The following TRIP4 variants were observed in gnomAD, a reference collection of about 807,000 sequenced individuals.
The protein encoded by TRIP4 is activating signal cointegrator 1.
In TRIP4, 54 loss-of-function variants were observed where a neutral mutation model predicts 81.8. The observed-to-expected ratio is 0.66, with a 90% CI of 0.53 to 0.83. The LOEUF (loss-of-function observed/expected upper bound fraction) is 0.83, where lower values mean the gene tolerates loss of function less well. Ranked by LOEUF, TRIP4 falls within the 40% of genes least tolerant of loss-of-function variation. The pLI, the probability that TRIP4 is intolerant of heterozygous loss-of-function variation, is 0.00. For synonymous variants in TRIP4, 270 were observed against 242.8 expected, an observed-to-expected ratio of 1.11 and a Z score of -1.04; for missense variants, 662 against 683.6, an observed-to-expected ratio of 0.97 and a Z score of 0.35.
At chr15:64,394,259 G>C in intron 2 of TRIP4, 144 bp downstream of exon 2, 1 of 677,112 alleles carries the variant, frequency 1.5e-6, no homozygotes, top group Non-Finnish European at 2.3e-6. Context: ...TTTTTAGTTC[G>C]GTTCTACTCA....
chr15:64,452,304 C>G (rs977110528), intron 12 of TRIP4, among the ~76,000 whole-genome samples: 2 of 152,136 alleles, frequency 1.3e-5, no homozygotes, highest in African/African-American at 4.8e-5. Flanking sequence ...ATCTGAAATG[C>G]AAAATCTAAA....
intron 11 of TRIP4, among the ~76,000 whole-genome samples, chr15:64,428,084 G>A (rs1049575102): frequency 6.6e-6 from 1 of 152,082 alleles, no homozygotes; most frequent in African/African-American, 2.4e-5. Context: ...TTCTTCCTGG[G>A]ATATGTATTT....
chr15:64,409,964 G>C (rs1238070419), intron 7 of TRIP4, 136 bp downstream of exon 7: 4 of 742,644 alleles, frequency 5.4e-6, no homozygotes, highest in African/African-American at 3.6e-5. Flanking sequence ...GTTAAGAATA[G>C]CTAAGAAAAA....
In TRIP4 at chr15:64,438,065, T is replaced by C. The variant is rs545948901; in HGVS notation, c.1576-6941T>C. Among the ~76,000 whole-genome samples, 3 of 152,344 alleles carry C rather than the reference T, an allele frequency of 2.0e-5. No homozygotes were observed. The East Asian group carries it at 5.8e-4, about 29-fold the overall frequency. On this transcript the variant is annotated intron_variant, in intron 11 of 12. Transcript: ENST00000261884. ...GGTTTCTTTTTTGTTCTAAAAGATA[T>C]GTTATTTGATAAAGGAGTATTGTTG...
chr15:64,390,790 G>T (rs933164717), intron 1 of TRIP4, among the ~76,000 whole-genome samples: 6 of 151,750 alleles, frequency 4.0e-5, no homozygotes, highest in South Asian at 2.1e-4. Flanking sequence ...AGCTACTCGG[G>T]AGGCTGAGGC....
intron 11 of TRIP4, among the ~76,000 whole-genome samples, chr15:64,426,124 A>G (rs1029674351): frequency 2.6e-5 from 4 of 151,994 alleles, no homozygotes; most frequent in African/African-American, 9.7e-5. Context: ...GCTAGCAAGT[A>G]TATAGGGTCT....
At chr15:64,388,294 T>C (rs1044607200) in intron 1 of TRIP4, among the ~76,000 whole-genome samples, 18 of 152,066 alleles carry the variant, frequency 1.2e-4, no homozygotes, top group African/African-American at 4.3e-4. Context: ...AACCCCTTAC[T>C]CTTTTATTTA....
intron 3 of TRIP4, among the ~76,000 whole-genome samples, chr15:64,396,740 G>A (rs187088102): frequency 2.6e-5 from 4 of 152,204 alleles, no homozygotes; most frequent in Admixed American, 2.0e-4. Flanking sequence ...GAACATTCTT[G>A]TATGTATTTT....
At chr15:64,389,949 G>T (rs1229001370) in intron 1 of TRIP4, among the ~76,000 whole-genome samples, 1 of 149,608 alleles carries the variant, frequency 6.7e-6, no homozygotes, top group Admixed American at 6.7e-5. Flanking sequence ...TGATCCAACC[G>T]CCTCAGCCTC....
intron 12 of TRIP4, among the ~76,000 whole-genome samples, chr15:64,451,465 C>CT (rs145401592): frequency 2.1e-3 from 135 of 64,648 alleles, no homozygotes; most frequent in African/African-American, 6.7e-3. Flanking sequence ...CAAATCTGAT[C>CT]TTTTTTTTTT....
chr15:64,448,498 C>T (rs1457773304), intron 12 of TRIP4, among the ~76,000 whole-genome samples: 1 of 152,176 alleles, frequency 6.6e-6, no homozygotes, highest in African/African-American at 2.4e-5. Context: ...GGGTCTCACT[C>T]TGTTATCCAG....
chr15:64,394,835 C>G (rs576246145), intron 2 of TRIP4, among the ~76,000 whole-genome samples: 1 of 152,096 alleles, frequency 6.6e-6, no homozygotes, highest in African/African-American at 2.4e-5. Context: ...ATTATGCAAT[C>G]TACAATATCA....
chr15:64,414,102 A>C lies in TRIP4; in HGVS notation c.1061A>C (p.Gln354Pro). 1 of 1,614,150 alleles carries C rather than the reference A, an allele frequency of 6.2e-7. No homozygotes were observed. Among genetic ancestry groups the C allele is most frequent in the Non-Finnish European group, 8.5e-7 (1 of 1,180,000 alleles). ...EYHSRLDETI[Q>P]AIANGTLNQP... The stretch of plus-strand genomic sequence containing the variant: ...TATCACAGACTAGATGAGACAATAC[A>C]GGCCATTGCCAATGGAACCTTGAAC... The change falls in exon 8 of 13, where the codon CAG becomes CCG. Residue 354 changes from glutamine (Q) to proline (P), a missense_variant. Gln to Pro is a moderately conservative substitution (Grantham distance 76). Coordinates refer to ENST00000261884, the MANE Select transcript of TRIP4 (RefSeq NM_016213.5).
intron 8 of TRIP4, among the ~76,000 whole-genome samples, chr15:64,416,029 TA>T (rs1337990661): frequency 1.3e-5 from 2 of 152,068 alleles, no homozygotes; most frequent in African/African-American, 2.4e-5. Context: ...AAATTAGTAT[TA>T]AAGCACTAGT....
At chr15:64,420,529 CTTT>C (rs35771443) in intron 9 of TRIP4, among the ~76,000 whole-genome samples, 1 of 145,936 alleles carries the variant, frequency 6.9e-6, no homozygotes, top group Admixed American at 6.8e-5. Context: ...CTTCTTATTT[CTTT>C]TTTTTTTTTG....
Position 64,451,193 on chromosome 15 carries a change from A to G in TRIP4, c.1679-3804A>G, listed in dbSNP as rs375632019. 1.4e-3 allele frequency among the ~76,000 whole-genome samples: 212 copies of G among 151,894 alleles called. 1 individual carries two copies. Among genetic ancestry groups the G allele is most frequent in the Non-Finnish European group, 2.1e-3 (142 of 67,930 alleles). On this transcript the variant is annotated intron_variant, in intron 12 of 12. Transcript: ENST00000261884. ...ACTGGTGAGATCTCAGCTCACTGCA[A>G]CCTCTGCCTCCTGGGTTCAAGCAAT...
intron 12 of TRIP4, chr15:64,450,733 C>A: frequency 2.2e-6 from 1 of 456,008 alleles, no homozygotes; most frequent in South Asian, 1.5e-5. Context: ...CCTCTTGTAT[C>A]TTGTTTCTCC....
At chr15:64,415,085 A>G (rs58187260) in intron 8 of TRIP4, among the ~76,000 whole-genome samples, 2,379 of 151,418 alleles carry the variant, frequency 0.016, 69 homozygotes, top group African/African-American at 0.054. Context: ...ACAGAGTGAG[A>G]CCCTGTCTCA....
intron 1 of TRIP4, among the ~76,000 whole-genome samples, chr15:64,391,970 CAAAAAAAAAA>C (rs35193532): frequency 4.3e-5 from 1 of 23,242 alleles, no homozygotes; most frequent in Non-Finnish European, 7.7e-5. Flanking sequence ...GACTCTGTCT[CAAAAAAAAAA>C]AAAAAAAAAA....
Sources: gnomAD v4.1 joint callset for allele counts (sites outside exome capture counted in the v4.1 genomes callset) on GRCh38, gnomAD v4.1.1 for gene constraint, MANE v1.5 for transcripts, NCBI Gene and HGNC (gene_info 2026-07-23, HGNC 2026-07-21) for gene names.